The following HLA-DPB1 variants were observed in gnomAD, a reference collection of about 807,000 sequenced individuals.
The protein encoded by HLA-DPB1 is HLA class II histocompatibility antigen, DP beta 1 chain.
In HLA-DPB1, 30 loss-of-function variants were observed where a neutral mutation model predicts 29.4. The observed-to-expected ratio is 1.02, with a 90% CI of 0.76 to 1.38. The LOEUF is 1.38. Ranked by LOEUF, HLA-DPB1 falls within the 40% of genes most tolerant of loss-of-function variation. The pLI is 0.00. For missense variants in HLA-DPB1, 261 were observed against 327.5 expected (o/e 0.80, Z 1.57); for synonymous variants, 114 against 134.0 (o/e 0.85, Z 1.03).
Position 33,080,707 on chromosome 6 carries a change from G to T in HLA-DPB1, c.136G>T (p.Ala46Ser), listed in dbSNP as rs41555313. 6.2e-7 allele frequency: 1 copy of T among 1,613,102 alleles called. No individual in the cohort carries two copies. Among genetic ancestry groups the T allele is most frequent in the African/African-American group, 1.3e-5 (1 of 74,898 alleles). ...TTTCCAGGGACGGCAGGAATGCTAC[G>T]CGTTTAATGGGACACAGCGCTTCCT... ...YLFQGRQECY[A>S]FNGTQRFLER... is the part of the protein sequence containing the mutation. Residue 46 changes from alanine to serine, a missense_variant, in exon 2 of 6, where the codon GCG becomes TCG. Ala to Ser is a moderately conservative substitution (Grantham distance 99, BLOSUM62 1). Coordinates refer to ENST00000418931, the MANE Select transcript of HLA-DPB1 (RefSeq NM_002121.6). This position sits in a 1 kb window ranked among gnomAD's most constrained non-coding sequence, Gnocchi z 4.3.
chr6:33,076,958 T>G (rs1009580648), intron 1 of HLA-DPB1, among the ~76,000 whole-genome samples: 3 of 152,098 alleles, frequency 2.0e-5, no homozygotes, highest in Non-Finnish European at 2.9e-5. Flanking sequence ...CTAGGGTACA[T>G]GTGCACAACG....
At position 33,080,306 on chromosome 6, in the gene HLA-DPB1, C is replaced by T. The variant is rs990433552; in HGVS notation, c.101-366C>T. 24 of 433,672 alleles carry T rather than the reference C, an allele frequency of 5.5e-5. No individual in the cohort carries two copies. The highest frequency in any genetic ancestry group is 4.7e-4 in the African/African-American group (23 of 49,240). The allele number at this position is 433,672 out of a possible 1,614,324, so 26.9% of individuals were successfully genotyped here. A position where few individuals can be genotyped will look rare whatever the true frequency, so the allele number is the denominator to read the frequency against. On this transcript the variant is annotated intron_variant, in intron 1 of 5. Coordinates refer to ENST00000418931, the MANE Select transcript of HLA-DPB1 (RefSeq NM_002121.6). This position sits in a 1 kb window ranked among gnomAD's most constrained non-coding sequence, Gnocchi z 4.3. ...TAAGTAGGGGGAGCAGCTCCGCCCT[C>T]CACGTCCCCAGCTCCTCCCGCCCCT...
At chr6:33,086,051 C>T in intron 4 of HLA-DPB1, 162 bp downstream of exon 4, 1 of 797,018 alleles carries the variant, frequency 1.3e-6, no homozygotes, top group Non-Finnish European at 2.1e-6. Context: ...AGAGGGATCC[C>T]AGGCTGGGAT....
intron 1 of HLA-DPB1, chr6:33,079,835 G>C (rs3097671): frequency 0.15 from 60,583 of 412,228 alleles, 4,814 homozygotes; most frequent in Non-Finnish European, 0.16. Context: ...CCCAGTACCA[G>C]GGTGCACAGC....
chr6:33,076,867 A>G (rs901356446), intron 1 of HLA-DPB1, among the ~76,000 whole-genome samples: 3 of 152,118 alleles, frequency 2.0e-5, no homozygotes, highest in East Asian at 1.9e-4. Context: ...CTGGTGTAAT[A>G]TTATGGCATC....
Position 33,080,961 on chromosome 6 carries a change from TCC to T in HLA-DPB1, c.364+28_364+29del. Reference sequence around the variant, plus strand: ...GTGAGTGAGGGCTTTGGGCCGGCGGTCCCAGGGCAGCCCCGCGGGCCCGTGCC... The same window carrying T: ...GTGAGTGAGGGCTTTGGGCCGGCGGTCAGGGCAGCCCCGCGGGCCCGTGCC... On this transcript the variant is annotated intron_variant, in intron 2 of 5. Transcript: ENST00000418931. This position sits in a 1 kb window ranked among gnomAD's most constrained non-coding sequence, Gnocchi z 4.3. 2 of 1,553,780 alleles carry T rather than the reference TCC, an allele frequency of 1.3e-6. No individual in the cohort carries two copies. Among genetic ancestry groups the T allele is most frequent in the South Asian group, 2.4e-5 (2 of 82,058 alleles).
chr6:33,080,910 C>A lies in HLA-DPB1; in HGVS notation c.339C>A (p.Gly113=). Residue 113 remains glycine, a synonymous_variant, in exon 2 of 6, where the codon GGC becomes GGA. Coordinates refer to ENST00000418931, the MANE Select transcript of HLA-DPB1 (RefSeq NM_002121.6). The surrounding 1 kb of genome is among the most constrained non-coding windows in gnomAD (Gnocchi z 4.3). ...DRMCRHNYEL[G]GPMTLQRRVQ... is the part of the protein sequence containing the mutation. ...TGTGCAGACACAACTACGAGCTGGGCGGGCCCATGACCCTGCAGCGCCGAG... is the reference window on the plus strand; with the variant it reads ...TGTGCAGACACAACTACGAGCTGGGAGGGCCCATGACCCTGCAGCGCCGAG... The A allele has an allele frequency of 3.1e-6, 5 of 1,603,776 alleles. No homozygotes were observed. The Middle Eastern group carries it at 5.0e-4, about 159-fold the overall frequency.
At chr6:33,084,571 G>T (rs1196719416) in intron 2 of HLA-DPB1, among the ~76,000 whole-genome samples, 2 of 152,114 alleles carry the variant, frequency 1.3e-5, no homozygotes, top group Non-Finnish European at 2.9e-5. Context: ...ATCACTTGAG[G>T]TCAGGCGTTG....
chr6:33,076,128 C>T lies in HLA-DPB1; in HGVS notation c.87C>T (p.Gly29=). 1.2e-6 allele frequency: 2 copies of T among 1,609,222 alleles called. No homozygotes were observed. The highest frequency in any genetic ancestry group is 1.7e-6 in the Non-Finnish European group (2 of 1,177,848). Residue 29 remains glycine, a synonymous_variant, in exon 1 of 6, where the codon GGC becomes GGT. Coordinates refer to ENST00000418931, the MANE Select transcript of HLA-DPB1 (RefSeq NM_002121.6). ...LMVLLTSVVQ[G]RATPENYLFQ... is the part of the protein sequence containing the mutation. ...TGCTGCTCACATCTGTGGTCCAGGG[C>T]AGGGCCACTCCAGGTAAGAGCCGAA...
At chr6:33,084,147 A>G (rs1455083019) in intron 2 of HLA-DPB1, 1 of 152,132 alleles carries the variant, frequency 6.6e-6, no homozygotes, top group African/African-American at 2.4e-5. Flanking sequence ...GGCCACCATA[A>G]TGCCATTGTC....
Position 33,088,066 on chromosome 6 carries a change from TTATC to T in HLA-DPB1, c.*1534_*1537del, listed in dbSNP as rs5875436. ...ACAGTATATAGTAAATAAGGACCCT[TTATC>T]TGTCTTATTTTCCCTTTTGGCTTCA... On this transcript the variant is annotated 3_prime_UTR_variant, in exon 6 of 6. Coordinates refer to ENST00000418931, the MANE Select transcript of HLA-DPB1 (RefSeq NM_002121.6). Among the ~76,000 whole-genome samples, 57,622 of 151,796 alleles carry T rather than the reference TTATC, an allele frequency of 0.38. 12,336 individuals carry two copies. The highest frequency in any genetic ancestry group is 0.64 in the East Asian group (3,283 of 5,148).
At position 33,080,460 on chromosome 6, in the gene HLA-DPB1, A is replaced by T; in HGVS notation, c.101-212A>T. 2 of 744,042 alleles carry T rather than the reference A, an allele frequency of 2.7e-6. No individual in the cohort carries two copies. The highest frequency in any genetic ancestry group is 4.8e-6 in the Non-Finnish European group (2 of 414,564). 46.1% of individuals were successfully genotyped at this position (744,042 alleles called of 1,614,324 possible). On this transcript the variant is annotated intron_variant, in intron 1 of 5. Coordinates refer to ENST00000418931, the MANE Select transcript of HLA-DPB1 (RefSeq NM_002121.6). This position sits in a 1 kb window ranked among gnomAD's most constrained non-coding sequence, Gnocchi z 4.3. ...CAGTGCCCCTGAGCTCATTCTTTTC[A>T]GTAAATTCTCTCTCTGCGTGGTGAG...
chr6:33,086,124 GAT>G, intron 4 of HLA-DPB1, 93 bp from the exon 5 acceptor site: 1 of 1,141,996 alleles, frequency 8.8e-7, no homozygotes, highest in Non-Finnish European at 1.3e-6. Context: ...TCCATTGAGT[GAT>G]GGGCAATGGA....
chr6:33,084,543 G>C (rs1266573361), intron 2 of HLA-DPB1, among the ~76,000 whole-genome samples: 1 of 152,118 alleles, frequency 6.6e-6, no homozygotes, highest in Non-Finnish European at 1.5e-5. Flanking sequence ...CCAGCCCTTT[G>C]AGAGGCCGAG....
rs1763157224 is a variant in HLA-DPB1 at position 33,087,406 on chromosome 6, G to T, written c.*872G>T. On this transcript the variant is annotated 3_prime_UTR_variant, in exon 6 of 6. Transcript: ENST00000418931. Reference sequence around the variant, plus strand: ...ATGTAGCACTCTTTTTCAAACACTGGTCTTTTTTTTTTTCTTAACAATCCA... The same window carrying T: ...ATGTAGCACTCTTTTTCAAACACTGTTCTTTTTTTTTTTCTTAACAATCCA... 7.7e-6 allele frequency among the ~76,000 whole-genome samples: 1 copy of T among 129,726 alleles called. No individual in the cohort carries two copies. Among genetic ancestry groups the T allele is most frequent in the Non-Finnish European group, 1.6e-5 (1 of 62,648 alleles). 85.1% of individuals were successfully genotyped at this position (129,726 alleles called of 152,430 possible). A position where few individuals can be genotyped will look rare whatever the true frequency, so the allele number is the denominator to read the frequency against.
Position 33,086,550 on chromosome 6 carries a change from T to C in HLA-DPB1, c.*16T>C. ...TTTTACCCCCACAGGGTTCCTGAGC[T>C]CACTGAAAAGACTATTGTGCCTTAG... is the stretch of plus-strand genomic sequence containing the variant. On this transcript the variant is annotated 3_prime_UTR_variant, in exon 6 of 6. Coordinates refer to ENST00000418931, the MANE Select transcript of HLA-DPB1 (RefSeq NM_002121.6). 1 of 637,226 alleles carries C rather than the reference T, an allele frequency of 1.6e-6. No individual in the cohort carries two copies. Among genetic ancestry groups the C allele is most frequent in the East Asian group, 3.8e-5 (1 of 25,980 alleles). 39.5% of individuals were successfully genotyped at this position (637,226 alleles called of 1,614,324 possible). A position where few individuals can be genotyped will look rare whatever the true frequency, so the allele number is the denominator to read the frequency against.
In HLA-DPB1 at chr6:33,088,733, A is replaced by C. The variant is rs1763226293; in HGVS notation, c.*2199A>C. Among the ~76,000 whole-genome samples, 1 of 152,186 alleles carries C rather than the reference A, an allele frequency of 6.6e-6. No individual in the cohort carries two copies. The highest frequency in any genetic ancestry group is 1.5e-5 in the Non-Finnish European group (1 of 68,036). On this transcript the variant is annotated 3_prime_UTR_variant, in exon 6 of 6. Transcript: ENST00000418931. Reference sequence around the variant, plus strand: ...AGGATCAAAGGCAGCCAGGAGGTAGAGGAGTCTTGAGGTACATCAGTCATT... The same window carrying C: ...AGGATCAAAGGCAGCCAGGAGGTAGCGGAGTCTTGAGGTACATCAGTCATT...
At chr6:33,086,491 C>A (rs9277515) in intron 5 of HLA-DPB1, 48 bp from the exon 6 acceptor site, 154,489 of 612,226 alleles carry the variant, frequency 0.25, 31,474 homozygotes, top group East Asian at 0.54. Context: ...CCTGGACTTA[C>A]AGGAAGGAGG....
Position 33,086,262 on chromosome 6 carries a change from T to A in HLA-DPB1, c.*4+20T>A. On this transcript the variant is annotated intron_variant, in intron 5 of 5. Transcript: ENST00000418931. ...AAACAGGTAATATTCCTGCTTTGAT[T>A]TCCTTGTGGGGTGGGTTGCAGGAGG... The A allele has an allele frequency of 6.4e-7, 1 of 1,562,994 alleles. No individual in the cohort carries two copies. The highest frequency in any genetic ancestry group is 2.3e-5 in the East Asian group (1 of 44,092).
Sources: gnomAD v4.1 joint callset for allele counts (sites outside exome capture counted in the v4.1 genomes callset) on GRCh38, gnomAD v4.1.1 for gene constraint, Gnocchi (gnomAD v3.1) non-coding constraint, MANE v1.5 for transcripts, NCBI Gene and HGNC (gene_info 2026-07-23, HGNC 2026-07-21) for gene names.